RPS6KC1: variants seen among roughly 807,000 people sequenced by gnomAD.
RPS6KC1 encodes the protein inactive ribosomal protein S6 kinase delta-1.
In RPS6KC1, 54 loss-of-function variants were observed where a neutral mutation model predicts 103.8. The observed-to-expected ratio is 0.52, with a 90% CI of 0.42 to 0.65. RPS6KC1 has a LOEUF of 0.65. Among genes scored for constraint, RPS6KC1 ranks in the 30% least tolerant of loss-of-function variants. RPS6KC1 has a pLI of 0.00. For missense variants in RPS6KC1, 1,151 were observed against 1,253.8 expected (o/e 0.92, Z 1.24); for synonymous variants, 439 against 438.7 (o/e 1.00, Z -0.01).
the RPS6KC1 span, among the ~76,000 whole-genome samples, chr1:213,530,094 C>A: frequency 6.6e-6 from 1 of 151,514 alleles, no homozygotes; most frequent in Non-Finnish European, 1.5e-5. Flanking sequence ...GGTACATGTG[C>A]ACAACGTGCA....
At chr1:213,718,466 C>T in the RPS6KC1 span, among the ~76,000 whole-genome samples, 5 of 152,198 alleles carry the variant, frequency 3.3e-5, no homozygotes, top group African/African-American at 1.2e-4. Flanking sequence ...TATGTAACAC[C>T]CTCTCTGAGG....
the RPS6KC1 span, among the ~76,000 whole-genome samples, chr1:213,403,841 A>G: frequency 6.6e-6 from 1 of 152,208 alleles, no homozygotes; most frequent in African/African-American, 2.4e-5. Context: ...TAATCCATGT[A>G]TGGGTGAGGC....
chr1:213,527,582 T>A, the RPS6KC1 span, among the ~76,000 whole-genome samples: 1 of 152,188 alleles, frequency 6.6e-6, no homozygotes, highest in Non-Finnish European at 1.5e-5. Flanking sequence ...TGGAGAGTGC[T>A]CCAAAGAAAC....
At chr1:213,543,550 A>C in the RPS6KC1 span, among the ~76,000 whole-genome samples, 1 of 152,194 alleles carries the variant, frequency 6.6e-6, no homozygotes. Flanking sequence ...GATCCTTAGA[A>C]GATTGAAGCC....
At chr1:213,648,197 TA>T in the RPS6KC1 span, among the ~76,000 whole-genome samples, 1 of 152,182 alleles carries the variant, frequency 6.6e-6, no homozygotes, top group East Asian at 1.9e-4. Flanking sequence ...GGTGCTTCCC[TA>T]AAAAGTTAAA....
In RPS6KC1 at chr1:213,167,970, T is replaced by C. The variant is rs2148179865; in HGVS notation, c.948T>C (p.Ser316=). 4 of 1,591,236 alleles carry C rather than the reference T, an allele frequency of 2.5e-6. No individual in the cohort carries two copies. The highest frequency in any genetic ancestry group is 1.7e-4 in the Middle Eastern group (1 of 6,020). Reference sequence around the variant, plus strand: ...GGAAACCTCAGCTTGATGATGTATCTCAGGTATGTCTCATATTTTGTTGTG... The same window carrying C: ...GGAAACCTCAGCTTGATGATGTATCCCAGGTATGTCTCATATTTTGTTGTG... The part of the protein sequence containing the change: ...LYGKPQLDDV[S]QPPGSLSSRP... Residue 316 remains serine, a synonymous_variant, in exon 7 of 15, where the codon TCT becomes TCC. Coordinates refer to ENST00000366960, the MANE Select transcript of RPS6KC1 (RefSeq NM_012424.6).
the RPS6KC1 span, among the ~76,000 whole-genome samples, chr1:213,807,316 C>A: frequency 1.3e-5 from 2 of 152,168 alleles, no homozygotes; most frequent in Non-Finnish European, 2.9e-5. Context: ...CCTGAATCTG[C>A]ATGTTGGCCT....
the RPS6KC1 span, among the ~76,000 whole-genome samples, chr1:213,632,774 C>T: frequency 6.6e-6 from 1 of 152,168 alleles, no homozygotes; most frequent in Non-Finnish European, 1.5e-5. Flanking sequence ...TGTTCAAACC[C>T]ATCGCAAGGA....
the RPS6KC1 span, among the ~76,000 whole-genome samples, chr1:213,363,358 G>A: frequency 6.6e-6 from 1 of 152,200 alleles, no homozygotes; most frequent in Non-Finnish European, 1.5e-5. Flanking sequence ...CACATCACAA[G>A]AAGTCTGGTG....
the RPS6KC1 span, among the ~76,000 whole-genome samples, chr1:213,757,396 TTGAG>T: frequency 6.6e-6 from 1 of 152,210 alleles, no homozygotes; most frequent in Admixed American, 6.5e-5. Flanking sequence ...TGGAGAAAGT[TTGAG>T]TGGTCCAGAT....
chr1:213,791,099 A>G, the RPS6KC1 span, among the ~76,000 whole-genome samples: 164 of 123,636 alleles, frequency 1.3e-3, no homozygotes, highest in South Asian at 4.0e-3. Flanking sequence ...TGTTACACCT[A>G]TTCAATAATC....
At chr1:213,182,725 T>TA (rs1331046369) in intron 8 of RPS6KC1, among the ~76,000 whole-genome samples, 2 of 149,868 alleles carry the variant, frequency 1.3e-5, no homozygotes, top group Non-Finnish European at 3.0e-5. Flanking sequence ...TCAAACATAA[T>TA]ATAATGAGAT....
the RPS6KC1 span, among the ~76,000 whole-genome samples, chr1:213,659,885 C>T: frequency 4.6e-5 from 7 of 152,312 alleles, no homozygotes; most frequent in Non-Finnish European, 8.8e-5. Flanking sequence ...AAGCTATCAT[C>T]TACATTCCTT....
chr1:213,517,840 C>T, the RPS6KC1 span, among the ~76,000 whole-genome samples: 1 of 152,178 alleles, frequency 6.6e-6, no homozygotes, highest in African/African-American at 2.4e-5. Context: ...ATTAAAGTCT[C>T]CCATTATTAT....
chr1:213,184,157 G>C (rs2092419097), intron 8 of RPS6KC1, among the ~76,000 whole-genome samples: 1 of 152,156 alleles, frequency 6.6e-6, no homozygotes, highest in Middle Eastern at 3.4e-3. Context: ...TTTCACCAGA[G>C]AATTCTACCA....
At chr1:213,077,664 A>G (rs2079467657) in intron 2 of RPS6KC1, 32 bp from the exon 3 acceptor site, 2 of 1,316,808 alleles carry the variant, frequency 1.5e-6, no homozygotes. Flanking sequence ...CTAAATGGTT[A>G]TGAGATACAT....
At chr1:213,642,809 C>T in the RPS6KC1 span, among the ~76,000 whole-genome samples, 1 of 151,822 alleles carries the variant, frequency 6.6e-6, no homozygotes, top group Non-Finnish European at 1.5e-5. Flanking sequence ...ATTTGTAATA[C>T]TCTTAAGTTT....
At chr1:213,749,962 T>C in the RPS6KC1 span, among the ~76,000 whole-genome samples, 2 of 152,230 alleles carry the variant, frequency 1.3e-5, no homozygotes. Context: ...TTCAAAATTC[T>C]CTCTGGAGCT....
the RPS6KC1 span, among the ~76,000 whole-genome samples, chr1:213,754,683 C>T: frequency 1.3e-5 from 2 of 152,242 alleles, no homozygotes; most frequent in East Asian, 3.9e-4. Flanking sequence ...GCTTCCTCTA[C>T]AGTCGGTGGA....
Sources: gnomAD v4.1 joint callset for allele counts (sites outside exome capture counted in the v4.1 genomes callset) on GRCh38, gnomAD v4.1.1 for gene constraint, MANE v1.5 for transcripts, NCBI Gene and HGNC (gene_info 2026-07-23, HGNC 2026-07-21) for gene names.